The following CCDC77 variants were observed in gnomAD, a reference collection of about 807,000 sequenced individuals.
CCDC77 encodes coiled-coil domain-containing protein 77.
Under a neutral mutation model 66.8 loss-of-function variants are expected in CCDC77, and 56 were observed. That is an observed-to-expected ratio of 0.84 (90% CI 0.68 to 1.05). The LOEUF (loss-of-function observed/expected upper bound fraction) is 1.05. CCDC77 is among the 50% of genes least tolerant of loss of function. The pLI, the probability that CCDC77 is intolerant of heterozygous loss-of-function variation, is 0.00. For synonymous variants in CCDC77, 196 were observed against 195.2 expected, an observed-to-expected ratio of 1.00 and a Z score of -0.03; for missense variants, 570 against 576.8, an observed-to-expected ratio of 0.99 and a Z score of 0.12.
At chr12:397,670 A>G (rs1944845776), upstream of CCDC77, among the ~76,000 whole-genome samples, 1 of 151,724 alleles carries the variant, frequency 6.6e-6, no homozygotes, top group South Asian at 2.1e-4. Flanking sequence ...TTTTTGAGAC[A>G]GAGTCTTGCT....
chr12:431,627 A>G (rs1945653931), intron 7 of CCDC77, among the ~76,000 whole-genome samples: 1 of 152,176 alleles, frequency 6.6e-6, no homozygotes, highest in Non-Finnish European at 1.5e-5. Context: ...CAGAAGATGA[A>G]TATGATTATT....
At chr12:397,917 A>G (rs1333622672), upstream of CCDC77, among the ~76,000 whole-genome samples, 2 of 152,248 alleles carry the variant, frequency 1.3e-5, no homozygotes, top group African/African-American at 4.8e-5. Flanking sequence ...CAGTGCTGGG[A>G]TTACAGGCGT....
intron 1 of CCDC77, among the ~76,000 whole-genome samples, chr12:404,118 A>C (rs1294948346): frequency 2.0e-5 from 3 of 152,134 alleles, no homozygotes; most frequent in African/African-American, 7.2e-5. Context: ...GGAGTTCGAG[A>C]CCAGCCTGGC....
upstream of CCDC77, among the ~76,000 whole-genome samples, chr12:399,701 A>ACTC (rs1228030760): frequency 6.6e-6 from 1 of 152,232 alleles, no homozygotes; most frequent in African/African-American, 2.4e-5. Context: ...CGGTGAACTT[A>ACTC]AAATACTCAG....
In CCDC77 at chr12:442,079, C is replaced by A; in HGVS notation, c.*159C>A. 1.3e-6 allele frequency: 1 copy of A among 748,042 alleles called. No homozygotes were observed. The highest frequency in any genetic ancestry group is 2.2e-6 in the Non-Finnish European group (1 of 456,476). The allele number at this position is 748,042 out of a possible 1,614,324, so 46.3% of individuals were successfully genotyped here. A position where few individuals can be genotyped will look rare whatever the true frequency, so the allele number is the denominator to read the frequency against. ...GAAGAATCGGGGACCACTAGGAAAG[C>A]TTTTCTTGCATACTCAGCTTGCTTT... is the stretch of plus-strand genomic sequence containing the variant. On this transcript the variant is annotated 3_prime_UTR_variant, in exon 13 of 13. Transcript: ENST00000239830.
Position 414,175 on chromosome 12 carries a change from CCT to C in CCDC77, c.270+2198_270+2199del, listed in dbSNP as rs1945176838. Among the ~76,000 whole-genome samples the C allele has an allele frequency of 2.0e-5, 3 of 150,618 alleles. 1 individual carries two copies. Among genetic ancestry groups the C allele is most frequent in the African/African-American group, 7.4e-5 (3 of 40,450 alleles). On this transcript the variant is annotated intron_variant, in intron 4 of 12. Transcript: ENST00000239830. Reference sequence around the variant, plus strand: ...GGCACAATCTCGGCTCACTGCAACCCCTGTCTCCCGGGTTCAAACGATTCTCC... The same window carrying C: ...GGCACAATCTCGGCTCACTGCAACCCGTCTCCCGGGTTCAAACGATTCTCC...
chr12:407,062 T>G (rs781483282), intron 2 of CCDC77, among the ~76,000 whole-genome samples: 1 of 152,172 alleles, frequency 6.6e-6, no homozygotes, highest in South Asian at 2.1e-4. Context: ...ATCCTATTAC[T>G]TGTGTGGCTG....
At chr12:437,164 G>C (rs1428531295) in intron 9 of CCDC77, among the ~76,000 whole-genome samples, 1 of 152,216 alleles carries the variant, frequency 6.6e-6, no homozygotes, top group Non-Finnish European at 1.5e-5. Flanking sequence ...CAAGCAGCCA[G>C]ATCATTCAGT....
In CCDC77 at chr12:430,718, T is replaced by C. The variant is rs1945633519; in HGVS notation, c.565T>C (p.Ser189Pro). The change falls in exon 7 of 13, where the codon TCT (serine) becomes CCT (proline). Residue 189 changes from serine to proline, a missense_variant. Physicochemically the swap from Ser to Pro is moderately conservative, Grantham distance 74. Coordinates refer to ENST00000239830, the MANE Select transcript of CCDC77 (RefSeq NM_032358.4). ...QAVGECEQSESSAFKADPKIS... is the reference protein window; with the variant it reads ...QAVGECEQSEPSAFKADPKIS... ...TGTAGGTGAATGTGAGCAGAGTGAA[T>C]CTTCAGCTTTCAAAGCAGGTAACAA... 2.5e-6 allele frequency: 4 copies of C among 1,613,270 alleles called. No individual in the cohort carries two copies. The highest frequency in any genetic ancestry group is 3.4e-6 in the Non-Finnish European group (4 of 1,179,216).
chr12:412,326 C>T (rs1353314023), intron 4 of CCDC77, among the ~76,000 whole-genome samples: 12 of 152,200 alleles, frequency 7.9e-5, no homozygotes. Flanking sequence ...ACCTAAACCC[C>T]ATGATGCTTT....
chr12:409,477 G>A lies in CCDC77; in HGVS notation c.38+56G>A, dbSNP rs1945064830. On this transcript the variant is annotated intron_variant, in intron 3 of 12. Coordinates refer to ENST00000239830, the MANE Select transcript of CCDC77 (RefSeq NM_032358.4). ...AGAAATCGAGACTTGTATAGCCTTA[G>A]TCTAAGCATAGGAACTGGAAAGGTA... 3.4e-6 allele frequency: 5 copies of A among 1,473,110 alleles called. No individual in the cohort carries two copies. The Admixed American group carries it at 8.5e-5, about 25-fold the overall frequency. 91.3% of individuals were successfully genotyped at this position (1,473,110 alleles called of 1,614,324 possible).
At chr12:389,569 C>CGGG (rs60326746) in intron 1 of CCDC77, 175,790 of 239,200 alleles carry the variant, frequency 0.73, 69,488 homozygotes, top group African/African-American at 0.85. Flanking sequence ...CGGGGCGAGG[C>CGGG]GCAACGAGGC....
upstream of CCDC77, among the ~76,000 whole-genome samples, chr12:397,006 A>G (rs1045587505): frequency 6.6e-6 from 1 of 152,156 alleles, no homozygotes; most frequent in Admixed American, 6.5e-5. Context: ...TCCTGAGTTC[A>G]AGCAATTCGC....
chr12:404,427 T>C (rs562816489), intron 1 of CCDC77, among the ~76,000 whole-genome samples: 1 of 152,228 alleles, frequency 6.6e-6, no homozygotes, highest in Non-Finnish European at 1.5e-5. Flanking sequence ...ATTGAATTTA[T>C]TAATTTGGAT....
At chr12:395,410 A>C (rs774700799) in intron 1 of CCDC77, among the ~76,000 whole-genome samples, 2 of 152,208 alleles carry the variant, frequency 1.3e-5, no homozygotes, top group African/African-American at 2.4e-5. Context: ...ATTTGAATAG[A>C]GGCTACTTTA....
At chr12:390,155 AT>A (rs1351961020) in intron 1 of CCDC77, 1 of 150,958 alleles carries the variant, frequency 6.6e-6, no homozygotes, top group Non-Finnish European at 1.5e-5. Flanking sequence ...TCAAGAAATA[AT>A]CCTAATTCTT....
intron 1 of CCDC77, chr12:389,583 G>A (rs1944712897): frequency 7.2e-6 from 2 of 276,994 alleles, no homozygotes; most frequent in East Asian, 6.2e-5. Flanking sequence ...ACGAGGCGGG[G>A]CGAGGCGCGA....
At chr12:389,404 T>A (rs764459532) in exon 1 of CCDC77, 12 of 524,062 alleles carry the variant, frequency 2.3e-5, no homozygotes, top group Non-Finnish European at 4.2e-5. Flanking sequence ...CTTCTTCTCT[T>A]CCCCGGCAGC....
chr12:423,489 G>GTT (rs1179236405), intron 5 of CCDC77, among the ~76,000 whole-genome samples: 4,874 of 32,290 alleles, frequency 0.15, 540 homozygotes, highest in Non-Finnish European at 0.2. Context: ...GTTTTTTTTT[G>GTT]TTTTGTTTTT....
Sources: gnomAD v4.1 joint callset for allele counts (sites outside exome capture counted in the v4.1 genomes callset) on GRCh38, gnomAD v4.1.1 for gene constraint, MANE v1.5 for transcripts, NCBI Gene and HGNC (gene_info 2026-07-23, HGNC 2026-07-21) for gene names.